The following AOPEP variants were observed in gnomAD, a reference collection of about 807,000 sequenced individuals.
AOPEP encodes aminopeptidase O (putative), also known as aminopeptidase O.
A neutral mutation model predicts 98.1 loss-of-function variants in AOPEP; 77 were observed. That is an observed-to-expected ratio of 0.78 (90% CI 0.65 to 0.95). The LOEUF (loss-of-function observed/expected upper bound fraction) is 0.95, where lower values mean the gene tolerates loss of function less well. Ranked by LOEUF, AOPEP falls within the 40% of genes least tolerant of loss-of-function variation. The pLI, the probability that AOPEP is intolerant of heterozygous loss-of-function variation, is 0.00. For missense variants in AOPEP, 1,024 were observed against 1,024.7 expected (o/e 1.00, Z 0.01); for synonymous variants, 346 against 365.3 (o/e 0.95, Z 0.60).
intron 13 of AOPEP, among the ~76,000 whole-genome samples, chr9:95,010,179 A>G (rs1224641363): frequency 6.6e-6 from 1 of 152,206 alleles, no homozygotes; most frequent in Non-Finnish European, 1.5e-5. Flanking sequence ...CTTTTATTAC[A>G]GTACTAATAT....
rs902426408 is a variant in AOPEP at position 94,815,650 on chromosome 9, C to T, written c.1364+14648C>T. ...GCATCTGGGTGGGCTCCCCTGGCTG[C>T]GACAGATCTTATCCCAATGTCCTGG... On this transcript the variant is annotated intron_variant, in intron 5 of 16. Transcript: ENST00000375315. Among the ~76,000 whole-genome samples, 6 of 152,090 alleles carry T rather than the reference C, an allele frequency of 3.9e-5. No individual in the cohort carries two copies. In the East Asian group the frequency reaches 5.8e-4, roughly 15 times the overall value.
At chr9:95,147,561 T>C in the AOPEP span, among the ~76,000 whole-genome samples, 2 of 152,160 alleles carry the variant, frequency 1.3e-5, no homozygotes, top group Non-Finnish European at 2.9e-5. Context: ...CATCAGAGAA[T>C]TCTCTGACTC....
At chr9:95,025,450 A>G (rs1189323409) in intron 13 of AOPEP, among the ~76,000 whole-genome samples, 2 of 152,220 alleles carry the variant, frequency 1.3e-5, no homozygotes, top group African/African-American at 4.8e-5. Flanking sequence ...GTTGTTGATG[A>G]GTCTGCAAAG....
intron 1 of AOPEP, among the ~76,000 whole-genome samples, chr9:94,728,239 G>GCGCGCGCGCGCACACACACACACACACA (rs113657409): frequency 1.9e-4 from 28 of 146,512 alleles, no homozygotes; most frequent in African/African-American, 2.5e-4. Flanking sequence ...GTGCGCGCAT[G>GCGCGCGCGCGCACACACACACACACACA]CACACACACA....
intron 5 of AOPEP, among the ~76,000 whole-genome samples, chr9:94,833,545 A>C (rs1441262175): frequency 6.6e-6 from 1 of 152,092 alleles, no homozygotes; most frequent in Non-Finnish European, 1.5e-5. Context: ...CTGTGCCTGA[A>C]GTTTCTTACA....
chr9:94,816,509 T>C (rs776595383), intron 5 of AOPEP, among the ~76,000 whole-genome samples: 1 of 152,122 alleles, frequency 6.6e-6, no homozygotes, highest in Non-Finnish European at 1.5e-5. Flanking sequence ...AGCATCCCCA[T>C]TGGCCACCTC....
intron 5 of AOPEP, among the ~76,000 whole-genome samples, chr9:94,841,480 C>T (rs1315817642): frequency 6.6e-6 from 1 of 152,044 alleles, no homozygotes; most frequent in East Asian, 1.9e-4. Flanking sequence ...GGCCACTCCA[C>T]ACATTTTGAT....
chr9:94,922,504 G>A (rs779780829), intron 5 of AOPEP, among the ~76,000 whole-genome samples: 1 of 152,240 alleles, frequency 6.6e-6, no homozygotes, highest in Non-Finnish European at 1.5e-5. Flanking sequence ...GTGGCTTTTT[G>A]TAGCATTGCA....
At chr9:94,948,953 A>G (rs1462171985) in intron 7 of AOPEP, among the ~76,000 whole-genome samples, 1 of 152,100 alleles carries the variant, frequency 6.6e-6, no homozygotes, top group Non-Finnish European at 1.5e-5. Context: ...AGCTCTCTTT[A>G]TGTAGCGTGG....
chr9:95,071,240 A>T (rs7042320), intron 14 of AOPEP, among the ~76,000 whole-genome samples: 103,786 of 150,854 alleles, frequency 0.69, 36,149 homozygotes, highest in Non-Finnish European at 0.73. Context: ...CAAACTCTGA[A>T]ATGCTTCAAA....
intron 7 of AOPEP, among the ~76,000 whole-genome samples, chr9:94,940,752 C>T (rs1277657612): frequency 6.6e-6 from 1 of 152,164 alleles, no homozygotes; most frequent in African/African-American, 2.4e-5. Flanking sequence ...CACAGGGACA[C>T]AGCCCCCACT....
At chr9:95,072,850 C>T (rs1264104457) in intron 14 of AOPEP, among the ~76,000 whole-genome samples, 1 of 152,216 alleles carries the variant, frequency 6.6e-6, no homozygotes, top group Admixed American at 6.5e-5. Context: ...TAGGCATGTG[C>T]CATTTTTCTA....
chr9:95,103,641 G>A, the AOPEP span, among the ~76,000 whole-genome samples: 2,068 of 152,344 alleles, frequency 0.014, 43 homozygotes, highest in African/African-American at 0.046. Flanking sequence ...AGAGGCAGGA[G>A]AACCGCAGGG....
intron 1 of AOPEP, among the ~76,000 whole-genome samples, 194 bp downstream of exon 1, chr9:94,726,945 G>C (rs1253666097): frequency 6.6e-6 from 1 of 152,178 alleles, no homozygotes; most frequent in Non-Finnish European, 1.5e-5. Context: ...CCTGGGGACT[G>C]GGCGGAGCGG....
chr9:94,875,524 G>A (rs2046847107), intron 5 of AOPEP, among the ~76,000 whole-genome samples: 1 of 152,094 alleles, frequency 6.6e-6, no homozygotes, highest in Non-Finnish European at 1.5e-5. Context: ...TTTATACCTC[G>A]ACCTTTGCCT....
At chr9:94,983,107 AACCTCC>A (rs1589160191) in intron 11 of AOPEP, among the ~76,000 whole-genome samples, 1 of 152,210 alleles carries the variant, frequency 6.6e-6, no homozygotes, top group East Asian at 1.9e-4. Flanking sequence ...GGCTCACTGC[AACCTCC>A]ACCTCCCAGG....
chr9:94,996,487 A>G (rs1389946574), intron 11 of AOPEP, among the ~76,000 whole-genome samples: 1 of 152,004 alleles, frequency 6.6e-6, no homozygotes, highest in Non-Finnish European at 1.5e-5. Flanking sequence ...TTTGGAGGAT[A>G]TATAACAAGC....
intron 13 of AOPEP, among the ~76,000 whole-genome samples, chr9:95,050,736 T>G (rs2066269966): frequency 6.6e-6 from 1 of 152,228 alleles, no homozygotes; most frequent in Non-Finnish European, 1.5e-5. Flanking sequence ...GGCTAAAATT[T>G]ATGCTTAGTT....
intron 7 of AOPEP, among the ~76,000 whole-genome samples, chr9:94,944,496 C>T (rs1035503398): frequency 6.6e-6 from 1 of 152,242 alleles, no homozygotes; most frequent in Non-Finnish European, 1.5e-5. Flanking sequence ...AGGCCACATA[C>T]TGTATCATGT....
Sources: allele counts gnomAD v4.1 joint callset (sites outside exome capture counted in the v4.1 genomes callset), GRCh38; gene constraint gnomAD v4.1.1; transcripts MANE v1.5; gene names NCBI Gene and HGNC (gene_info 2026-07-23, HGNC 2026-07-21).